Variants in PAM observed in about 807,000 individuals in gnomAD.
PAM encodes the protein peptidylglycine alpha-amidating monooxygenase.
In PAM, 72 loss-of-function variants were observed where a neutral mutation model predicts 122.1. The observed-to-expected ratio is 0.59, with a 90% CI of 0.49 to 0.72. PAM has a LOEUF of 0.72. Ranked by LOEUF, PAM falls within the 30% of genes least tolerant of loss-of-function variation. PAM has a pLI of 0.00. For missense variants in PAM, 1,106 were observed against 1,183.7 expected (o/e 0.93, Z 0.96); for synonymous variants, 389 against 404.4 (o/e 0.96, Z 0.46).
chr5:103,005,091 A>G, intron 17 of PAM, 63 bp from the exon 18 acceptor site: 2 of 918,710 alleles, frequency 2.2e-6, no homozygotes, highest in East Asian at 2.4e-5. Context: ...TAATTAGAAA[A>G]ATTTCTGTCA....
chr5:102,944,772 A>G (rs1260451949), intron 7 of PAM, among the ~76,000 whole-genome samples: 1 of 152,212 alleles, frequency 6.6e-6, no homozygotes, highest in African/African-American at 2.4e-5. Context: ...CATTTATCTT[A>G]CTAAAATTTC....
At chr5:102,853,715 C>A (rs1244810564) in intron 1 of PAM, among the ~76,000 whole-genome samples, 1 of 152,176 alleles carries the variant, frequency 6.6e-6, no homozygotes, top group Non-Finnish European at 1.5e-5. Flanking sequence ...CCCTTTAGGA[C>A]TTAGAACTAT....
intron 12 of PAM, among the ~76,000 whole-genome samples, chr5:102,957,923 G>T (rs1761291218): frequency 6.6e-6 from 1 of 152,300 alleles, no homozygotes; most frequent in African/African-American, 2.4e-5. Context: ...AGTAGGAAGA[G>T]TAAAAAAAGT....
At chr5:102,883,762 G>A (rs1792076093) in intron 3 of PAM, among the ~76,000 whole-genome samples, 1 of 151,910 alleles carries the variant, frequency 6.6e-6, no homozygotes, top group Non-Finnish European at 1.5e-5. Flanking sequence ...GAACAGAAGT[G>A]GTGAAAGTGG....
chr5:102,865,631 G>A (rs1481421425), intron 1 of PAM, 192 bp from the exon 2 acceptor site: 4 of 152,352 alleles, frequency 2.6e-5, no homozygotes, highest in Non-Finnish European at 4.4e-5. Flanking sequence ...GGCTCTACAG[G>A]GGCTGCGCCG....
At chr5:102,776,551 T>A (rs911673091) in intron 1 of PAM, among the ~76,000 whole-genome samples, 2 of 152,158 alleles carry the variant, frequency 1.3e-5, no homozygotes, top group East Asian at 1.9e-4. Flanking sequence ...ATTTTCTGCA[T>A]ATGGCTAGCT....
At chr5:102,915,349 A>G (rs1302999965) in intron 5 of PAM, among the ~76,000 whole-genome samples, 1 of 152,132 alleles carries the variant, frequency 6.6e-6, no homozygotes, top group African/African-American at 2.4e-5. Flanking sequence ...ACACAGGGCA[A>G]TTAGTGGAAA....
intron 6 of PAM, among the ~76,000 whole-genome samples, chr5:102,925,357 G>A (rs1223018313): frequency 6.6e-6 from 1 of 152,202 alleles, no homozygotes; most frequent in African/African-American, 2.4e-5. Flanking sequence ...TGAGCCAAGA[G>A]AGCTAGGAAT....
At chr5:102,835,882 T>C (rs896223712) in intron 1 of PAM, among the ~76,000 whole-genome samples, 2 of 152,136 alleles carry the variant, frequency 1.3e-5, no homozygotes, top group African/African-American at 4.8e-5. Context: ...ATTATAGTAG[T>C]TGAGAAAGCA....
chr5:102,811,365 A>G (rs1767854011), intron 1 of PAM, among the ~76,000 whole-genome samples: 1 of 152,200 alleles, frequency 6.6e-6, no homozygotes, highest in Non-Finnish European at 1.5e-5. Context: ...GGCCATCTGC[A>G]TTCCGTGGCT....
chr5:102,872,488 C>T (rs75944490), intron 3 of PAM, among the ~76,000 whole-genome samples: 3,676 of 152,250 alleles, frequency 0.024, 164 homozygotes, highest in African/African-American at 0.083. Context: ...CGTTAAGTAA[C>T]GTACTTTAAC....
intron 16 of PAM, among the ~76,000 whole-genome samples, chr5:102,997,129 T>A: frequency 6.6e-6 from 1 of 152,160 alleles, no homozygotes; most frequent in East Asian, 1.9e-4. Context: ...ATAGATGACA[T>A]GAGTGTAATT....
chr5:102,845,848 G>C (rs1779817976), intron 1 of PAM, among the ~76,000 whole-genome samples: 1 of 152,196 alleles, frequency 6.6e-6, no homozygotes, highest in Admixed American at 6.5e-5. Context: ...AAATGAGGAT[G>C]AGAACTGGGG....
chr5:102,865,705 C>T (rs1326696572), intron 1 of PAM, 118 bp from the exon 2 acceptor site: 3 of 153,196 alleles, frequency 2.0e-5, no homozygotes, highest in African/African-American at 4.8e-5. Flanking sequence ...CAGCATTTTC[C>T]CCAGGCTTGG....
intron 14 of PAM, among the ~76,000 whole-genome samples, chr5:102,972,751 C>T (rs1325990268): frequency 6.6e-6 from 1 of 152,164 alleles, no homozygotes; most frequent in Non-Finnish European, 1.5e-5. Flanking sequence ...GGCAGAATGC[C>T]ACTGTGCCCT....
intron 1 of PAM, among the ~76,000 whole-genome samples, chr5:102,804,372 A>G (rs888954930): frequency 6.6e-6 from 1 of 152,162 alleles, no homozygotes; most frequent in African/African-American, 2.4e-5. Context: ...GAACATTATA[A>G]GATGCCTGAT....
In PAM at chr5:102,848,346, C is replaced by T. The variant is rs146872296; in HGVS notation, c.-373-17477C>T. Among the ~76,000 whole-genome samples, 172 of 152,262 alleles carry T rather than the reference C, an allele frequency of 1.1e-3. No individual in the cohort carries two copies. In the East Asian group the frequency reaches 0.021, roughly 19 times the overall value. The stretch of plus-strand genomic sequence containing the variant: ...AGATACTGTTGGTGCCTACTGTACA[C>T]GGCAAAGGCAACAAAGATGACTAAC... On this transcript the variant is annotated intron_variant, in intron 1 of 25. Coordinates refer to ENST00000438793, the MANE Select transcript of PAM (RefSeq NM_001177306.2).
intron 3 of PAM, among the ~76,000 whole-genome samples, chr5:102,885,954 T>C (rs2151201070): frequency 6.6e-6 from 1 of 152,130 alleles, no homozygotes; most frequent in East Asian, 1.9e-4. Flanking sequence ...TGTTTTCAAG[T>C]CTACTGTTGT....
intron 1 of PAM, among the ~76,000 whole-genome samples, chr5:102,792,227 T>C: frequency 6.6e-6 from 1 of 152,192 alleles, no homozygotes; most frequent in East Asian, 1.9e-4. Context: ...TGTGGGTTTG[T>C]GTATATGCTG....
Sources: allele counts gnomAD v4.1 joint callset (sites outside exome capture counted in the v4.1 genomes callset), GRCh38; gene constraint gnomAD v4.1.1; transcripts MANE v1.5; gene names NCBI Gene and HGNC (gene_info 2026-07-23, HGNC 2026-07-21).